Variants in SMG7 observed in about 807,000 individuals in gnomAD.
The protein encoded by SMG7 is SMG7 nonsense mediated mRNA decay factor.
In SMG7, 34 loss-of-function variants were observed where a neutral mutation model predicts 148.2. The ratio of observed to expected loss-of-function variants is 0.23; its 90% CI spans 0.17 to 0.31. SMG7 has a LOEUF of 0.31. SMG7 is among the 10% of genes least tolerant of loss of function. The pLI is 1.00. For synonymous variants in SMG7, 492 were observed against 515.1 expected, an observed-to-expected ratio of 0.96 and a Z score of 0.61; for missense variants, 1,114 against 1,408.4, an observed-to-expected ratio of 0.79 and a Z score of 3.35.
chr1:183,548,464 C>T (rs1408767158), intron 18 of SMG7, among the ~76,000 whole-genome samples: 1 of 152,016 alleles, frequency 6.6e-6, no homozygotes, highest in Non-Finnish European at 1.5e-5. Flanking sequence ...GGAAATGGAG[C>T]TGATGGTAGA....
At position 183,515,911 on chromosome 1, in the gene SMG7, G is replaced by T. The variant is rs1347679701; in HGVS notation, c.99G>T (p.Arg33Ser). The T allele has an allele frequency of 6.2e-7, 1 of 1,612,766 alleles. No homozygotes were observed. The part of the protein sequence containing the change: ...KLGPAEVWTS[R>S]QALQDLYQKM... The stretch of plus-strand genomic sequence containing the variant: ...GTCCAGCTGAAGTCTGGACATCCAG[G>T]CAGGCTCTGCAGGACCTGTACCAGA... Residue 33 changes from arginine to serine, a missense_variant, in exon 3 of 23, where the codon AGG becomes AGT. By Grantham distance (110) the Arg-to-Ser change is moderately radical. This residue lies in a region of SMG7 where 216 missense variants were observed against 329.1 expected (regional missense o/e 0.66). Transcript: ENST00000688051.
intron 1 of SMG7, among the ~76,000 whole-genome samples, chr1:183,474,512 C>T (rs1210883495): frequency 6.6e-6 from 1 of 152,106 alleles, no homozygotes; most frequent in African/African-American, 2.4e-5. Flanking sequence ...TGCAGTGAGC[C>T]GAGATGGCGT....
At position 183,552,110 on chromosome 1, in the gene SMG7, A is replaced by C; in HGVS notation, c.*179A>C. Reference sequence around the variant, plus strand: ...ACGAAATGTTCGCAGTGCAACAAAAAGAAAAATCCATCAGGAACTCTCCGT... The same window carrying C: ...ACGAAATGTTCGCAGTGCAACAAAACGAAAAATCCATCAGGAACTCTCCGT... On this transcript the variant is annotated 3_prime_UTR_variant, in exon 23 of 23. Coordinates refer to ENST00000688051, the MANE Select transcript of SMG7 (RefSeq NM_001375584.1). 7.7e-7 allele frequency: 1 copy of C among 1,299,378 alleles called. No homozygotes were observed. The highest frequency in any genetic ancestry group is 9.9e-7 in the Non-Finnish European group (1 of 1,013,482). 80.5% of individuals were successfully genotyped at this position (1,299,378 alleles called of 1,614,324 possible). A position where few individuals can be genotyped will look rare whatever the true frequency, so the allele number is the denominator to read the frequency against.
At chr1:183,473,016 G>C (rs1651121733) in intron 1 of SMG7, 2 of 299,648 alleles carry the variant, frequency 6.7e-6, no homozygotes, top group African/African-American at 4.3e-5. Flanking sequence ...TCTGATCCCC[G>C]TGGCAGGGGA....
chr1:183,495,344 T>C (rs941824447), intron 1 of SMG7, among the ~76,000 whole-genome samples: 6 of 152,206 alleles, frequency 3.9e-5, no homozygotes, highest in African/African-American at 1.2e-4. Context: ...GTATAATTCA[T>C]GTGAGAAAAT....
chr1:183,542,369 G>A lies in SMG7; in HGVS notation c.1709G>A (p.Arg570Lys), dbSNP rs1398871498. Residue 570 changes from arginine (R) to lysine (K), a missense_variant, in exon 14 of 23, where the codon AGA becomes AAA. Physicochemically the swap from Arg to Lys is conservative, Grantham distance 26. Transcript: ENST00000688051. ...AGAAGTTTTCCTCCCAAAGAGGTGAGAAGGGACTATAGCAAAGGAATAACT... is the reference window on the plus strand; with the variant it reads ...AGAAGTTTTCCTCCCAAAGAGGTGAAAAGGGACTATAGCAAAGGAATAACT... ...QGRSFPPKEV[R>K]RDYSKGITVT... 3 of 1,613,950 alleles carry A rather than the reference G, an allele frequency of 1.9e-6. No individual in the cohort carries two copies. The highest frequency in any genetic ancestry group is 2.5e-6 in the Non-Finnish European group (3 of 1,179,966).
intron 1 of SMG7, among the ~76,000 whole-genome samples, chr1:183,504,360 G>C (rs1047657591): frequency 6.9e-6 from 1 of 145,606 alleles, no homozygotes; most frequent in Non-Finnish European, 1.5e-5. Context: ...TTTATTTTGA[G>C]ACCGAGTCTC....
chr1:183,552,238 G>A lies in SMG7; in HGVS notation c.*307G>A. 9.6e-7 allele frequency: 1 copy of A among 1,045,208 alleles called. No individual in the cohort carries two copies. The highest frequency in any genetic ancestry group is 1.2e-6 in the Non-Finnish European group (1 of 868,852). The allele number at this position is 1,045,208 out of a possible 1,614,324, so 64.7% of individuals were successfully genotyped here. A position where few individuals can be genotyped will look rare whatever the true frequency, so the allele number is the denominator to read the frequency against. On this transcript the variant is annotated 3_prime_UTR_variant, in exon 23 of 23. Transcript: ENST00000688051. Reference sequence around the variant, plus strand: ...ACCTTCTCCATCGTGCATGTCCCCAGCCACATGGGAAGTGAAAGCTGAGAA... The same window carrying A: ...ACCTTCTCCATCGTGCATGTCCCCAACCACATGGGAAGTGAAAGCTGAGAA...
chr1:183,526,025 C>A (rs1052821313), intron 4 of SMG7, among the ~76,000 whole-genome samples: 1 of 151,534 alleles, frequency 6.6e-6, no homozygotes, highest in Non-Finnish European at 1.5e-5. Flanking sequence ...GTTAAATAAT[C>A]TTTTTTTAAA....
In SMG7 at chr1:183,552,135, T is replaced by C; in HGVS notation, c.*204T>C. 4.0e-6 allele frequency: 5 copies of C among 1,257,628 alleles called. No homozygotes were observed. The highest frequency in any genetic ancestry group is 3.1e-4 in the Middle Eastern group (1 of 3,182). The allele number at this position is 1,257,628 out of a possible 1,614,324, so 77.9% of individuals were successfully genotyped here. A position where few individuals can be genotyped will look rare whatever the true frequency, so the allele number is the denominator to read the frequency against. On this transcript the variant is annotated 3_prime_UTR_variant, in exon 23 of 23. Transcript: ENST00000688051. ...AGAAAAATCCATCAGGAACTCTCCG[T>C]CCCCCCGGGGCCCTCCGGAGGGAGA...
At chr1:183,510,299 G>A (rs1661841639) in intron 1 of SMG7, among the ~76,000 whole-genome samples, 2 of 152,078 alleles carry the variant, frequency 1.3e-5, no homozygotes, top group African/African-American at 4.8e-5. Flanking sequence ...GATTTTTCAG[G>A]GGAGGAGCGA....
At chr1:183,543,298 A>G (rs1196111027) in intron 14 of SMG7, among the ~76,000 whole-genome samples, 1 of 152,206 alleles carries the variant, frequency 6.6e-6, no homozygotes, top group Non-Finnish European at 1.5e-5. Flanking sequence ...ATGTGTTTGC[A>G]TGAGAAACTT....
At chr1:183,529,869 T>G (rs1666557296) in intron 8 of SMG7, among the ~76,000 whole-genome samples, 1 of 152,162 alleles carries the variant, frequency 6.6e-6, no homozygotes, top group South Asian at 2.1e-4. Context: ...TTACCTGCTT[T>G]ATAGATATTG....
In SMG7 at chr1:183,545,949, A is replaced by G. The variant is rs1448857664; in HGVS notation, c.2371-17A>G. The stretch of plus-strand genomic sequence containing the variant: ...TGCATTTTATCCTCACCTTTATGAC[A>G]GGCGTCTCTTTTTTAGTATCAACAG... On this transcript the variant is annotated splice_polypyrimidine_tract_variant and intron_variant, in intron 16 of 22. Transcript: ENST00000688051. 6.4e-7 allele frequency: 1 copy of G among 1,563,494 alleles called. No individual in the cohort carries two copies. The highest frequency in any genetic ancestry group is 1.2e-5 in the South Asian group (1 of 82,874).
chr1:183,504,900 A>G (rs1018908651), intron 1 of SMG7, among the ~76,000 whole-genome samples: 1 of 151,936 alleles, frequency 6.6e-6, no homozygotes, highest in Non-Finnish European at 1.5e-5. Flanking sequence ...ACCAACCTCC[A>G]ATTTTATTCT....
chr1:183,528,017 C>A lies in SMG7; in HGVS notation c.546C>A (p.Val182=). ...ESYYRHAAQL[V]PSNGQPYNQL... is the part of the protein sequence containing the mutation. ...ACTATAGGCATGCAGCTCAGCTTGT[C>A]CCCTCCAATGGTGAGTGGACCTGTC... Residue 182 remains valine (V), a synonymous_variant, in exon 6 of 23, where the codon GTC becomes GTA. Transcript: ENST00000688051. The A allele has an allele frequency of 6.2e-7, 1 of 1,612,508 alleles. No homozygotes were observed. Among genetic ancestry groups the A allele is most frequent in the South Asian group, 1.1e-5 (1 of 91,020 alleles).
chr1:183,551,278 GCC>G, intron 22 of SMG7, 88 bp downstream of exon 22: 1 of 1,355,508 alleles, frequency 7.4e-7, no homozygotes. Context: ...GACTTCTCAG[GCC>G]CTCGGAGTTG....
intron 4 of SMG7, among the ~76,000 whole-genome samples, chr1:183,525,288 G>A (rs1665615997): frequency 6.6e-6 from 1 of 152,140 alleles, no homozygotes; most frequent in South Asian, 2.1e-4. Context: ...CAGCAAAGAG[G>A]TCCAATAAGA....
At position 183,552,305 on chromosome 1, in the gene SMG7, T is replaced by C; in HGVS notation, c.*374T>C. 2 of 1,003,822 alleles carry C rather than the reference T, an allele frequency of 2.0e-6. No homozygotes were observed. Among genetic ancestry groups the C allele is most frequent in the Non-Finnish European group, 2.4e-6 (2 of 842,144 alleles). The allele number at this position is 1,003,822 out of a possible 1,614,324, so 62.2% of individuals were successfully genotyped here. On this transcript the variant is annotated 3_prime_UTR_variant, in exon 23 of 23. Coordinates refer to ENST00000688051, the MANE Select transcript of SMG7 (RefSeq NM_001375584.1). ...GAAGCCAATGGGAACTTCTCAGTCC[T>C]TTTTTCCTCTTTGGGGAATAAAATA...
Sources: allele counts gnomAD v4.1 joint callset (sites outside exome capture counted in the v4.1 genomes callset), GRCh38; gene constraint gnomAD v4.1.1; regional missense constraint gnomAD v4.1.1; transcripts MANE v1.5; gene names NCBI Gene and HGNC (gene_info 2026-07-23, HGNC 2026-07-21).